The following NRXN1 variants were observed in gnomAD, a reference collection of about 807,000 sequenced individuals.
NRXN1 encodes neurexin-1.
Under a neutral mutation model 150.9 loss-of-function variants are expected in NRXN1, and 39 were observed. That is an observed-to-expected ratio of 0.26 (90% CI 0.20 to 0.34). The LOEUF is 0.34. Ranked by LOEUF, NRXN1 falls within the 10% of genes least tolerant of loss-of-function variation. The probability of loss-of-function intolerance (pLI) is 1.00; values close to 1 mark genes in which losing one functional copy is unlikely to be tolerated. For synonymous variants in NRXN1, 924 were observed against 757.0 expected (o/e 1.22, Z -3.62); for missense variants, 1,815 against 1,949.9 (o/e 0.93, Z 1.30).
intron 8 of NRXN1, among the ~76,000 whole-genome samples, chr2:50,602,365 G>T (rs143393522): frequency 8.7e-4 from 132 of 151,362 alleles, no homozygotes; most frequent in African/African-American, 3.0e-3. Context: ...AAATTCCACT[G>T]AAAGTTAGGT....
chr2:50,094,853 A>T (rs2152702413), intron 18 of NRXN1, among the ~76,000 whole-genome samples: 1 of 152,224 alleles, frequency 6.6e-6, no homozygotes, highest in Admixed American at 6.5e-5. Context: ...AAGGAAGTGC[A>T]TTTACTACCT....
intron 5 of NRXN1, among the ~76,000 whole-genome samples, chr2:50,790,860 G>C (rs551241430): frequency 1.3e-4 from 20 of 152,014 alleles, no homozygotes; most frequent in Non-Finnish European, 2.2e-4. Context: ...CTTGTATTTT[G>C]ACCGCAACTC....
chr2:50,074,550 A>T (rs1380390930), intron 19 of NRXN1, among the ~76,000 whole-genome samples: 1 of 152,162 alleles, frequency 6.6e-6, no homozygotes, highest in Non-Finnish European at 1.5e-5. Flanking sequence ...TGGCACATAT[A>T]TATGATGGCT....
intron 5 of NRXN1, among the ~76,000 whole-genome samples, chr2:50,699,074 A>C (rs1693360985): frequency 6.6e-6 from 1 of 152,200 alleles, no homozygotes; most frequent in African/African-American, 2.4e-5. Flanking sequence ...AGAGACTGTC[A>C]GACAGTCATG....
At chr2:50,618,606 T>A (rs1046510470) in intron 8 of NRXN1, among the ~76,000 whole-genome samples, 3 of 151,986 alleles carry the variant, frequency 2.0e-5, no homozygotes, top group African/African-American at 7.2e-5. Flanking sequence ...ACTTTCATAC[T>A]TGTTAGTTGT....
At chr2:50,028,631 G>C (rs1688737410) in intron 21 of NRXN1, among the ~76,000 whole-genome samples, 2 of 152,194 alleles carry the variant, frequency 1.3e-5, no homozygotes, top group Admixed American at 6.5e-5. Flanking sequence ...TCTGCACATT[G>C]CTCAGGCTAA....
chr2:50,892,888 A>G (rs769057130), intron 5 of NRXN1, among the ~76,000 whole-genome samples: 3 of 152,186 alleles, frequency 2.0e-5, no homozygotes, highest in Non-Finnish European at 4.4e-5. Flanking sequence ...ACAACTCCCA[A>G]CAAATAATAC....
intron 2 of NRXN1, among the ~76,000 whole-genome samples, chr2:50,962,196 T>C (rs1285639726): frequency 1.3e-5 from 2 of 151,744 alleles, no homozygotes; most frequent in Non-Finnish European, 3.0e-5. Flanking sequence ...GTATTCTACA[T>C]CTGTCTGTTC....
intron 12 of NRXN1, among the ~76,000 whole-genome samples, chr2:50,516,053 A>T (rs2092621910): frequency 2.6e-5 from 4 of 152,288 alleles, no homozygotes; most frequent in Admixed American, 1.3e-4. Flanking sequence ...ATTTTTAGGT[A>T]TTGAGTTGTG....
chr2:50,704,176 GT>G (rs1694128603), intron 5 of NRXN1, among the ~76,000 whole-genome samples: 3 of 151,946 alleles, frequency 2.0e-5, no homozygotes, highest in Admixed American at 6.6e-5. Context: ...TGATAGAATA[GT>G]ATGCATCCTC....
At chr2:50,766,184 A>G (rs749671739) in intron 5 of NRXN1, among the ~76,000 whole-genome samples, 4 of 151,986 alleles carry the variant, frequency 2.6e-5, no homozygotes, top group Non-Finnish European at 4.4e-5. Context: ...GGAAGAGGAA[A>G]AGGAGGTTTT....
intron 5 of NRXN1, among the ~76,000 whole-genome samples, chr2:50,799,168 C>T (rs1032311260): frequency 6.6e-6 from 1 of 151,970 alleles, no homozygotes; most frequent in East Asian, 1.9e-4. Context: ...TTATATATGC[C>T]GTGGGATGAT....
At chr2:50,883,943 C>G (rs1219979932) in intron 5 of NRXN1, among the ~76,000 whole-genome samples, 2 of 151,696 alleles carry the variant, frequency 1.3e-5, no homozygotes, top group African/African-American at 4.8e-5. Context: ...GAAGGGAGCA[C>G]CAGGATGGCA....
At chr2:50,606,415 T>C (rs996285651) in intron 8 of NRXN1, among the ~76,000 whole-genome samples, 2 of 151,710 alleles carry the variant, frequency 1.3e-5, no homozygotes, top group Middle Eastern at 3.2e-3. Flanking sequence ...AAGCAAAGAA[T>C]AGAATTGTGG....
At chr2:50,244,999 T>C (rs2066368302) in intron 17 of NRXN1, among the ~76,000 whole-genome samples, 1 of 151,954 alleles carries the variant, frequency 6.6e-6, no homozygotes, top group African/African-American at 2.4e-5. Flanking sequence ...AGTTGAGTAG[T>C]TTGAAATAAT....
At chr2:50,151,370 C>CAA (rs201608021) in intron 18 of NRXN1, among the ~76,000 whole-genome samples, 5 of 150,378 alleles carry the variant, frequency 3.3e-5, no homozygotes, top group African/African-American at 7.3e-5. Flanking sequence ...TCAGACTCTT[C>CAA]AAAAAAAAAT....
intron 18 of NRXN1, among the ~76,000 whole-genome samples, chr2:50,124,242 G>A (rs1704259263): frequency 1.3e-5 from 2 of 152,158 alleles, no homozygotes; most frequent in Admixed American, 1.3e-4. Context: ...AATTGACATT[G>A]ATGGTTACTG....
chr2:50,382,460 C>T (rs201985505), intron 17 of NRXN1, among the ~76,000 whole-genome samples: 2 of 152,122 alleles, frequency 1.3e-5, no homozygotes, highest in African/African-American at 2.4e-5. Flanking sequence ...GGAATATTTA[C>T]ACCAGTGGAT....
At chr2:50,551,737 AT>A (rs1242623002) in intron 9 of NRXN1, among the ~76,000 whole-genome samples, 3 of 151,864 alleles carry the variant, frequency 2.0e-5, no homozygotes, top group Non-Finnish European at 2.9e-5. Flanking sequence ...CTTAAAACAG[AT>A]TTCTCTCTCC....
Sources: allele counts gnomAD v4.1 joint callset (sites outside exome capture counted in the v4.1 genomes callset), GRCh38; gene constraint gnomAD v4.1.1; transcripts MANE v1.5; gene names NCBI Gene and HGNC (gene_info 2026-07-23, HGNC 2026-07-21).